The following COL5A2 variants were observed in gnomAD, a reference collection of about 807,000 sequenced individuals.
COL5A2 encodes collagen type V alpha 2 chain.
Under a neutral mutation model 208.2 loss-of-function variants are expected in COL5A2, and 23 were observed. That is an observed-to-expected ratio of 0.11 (90% CI 0.08 to 0.16). The LOEUF is 0.16. Among genes scored for constraint, COL5A2 ranks in the 10% least tolerant of loss-of-function variants. The pLI, the probability that COL5A2 is intolerant of heterozygous loss-of-function variation, is 1.00. For synonymous variants in COL5A2, 625 were observed against 628.5 expected (o/e 0.99, Z 0.08); for missense variants, 1,590 against 1,956.4 (o/e 0.81, Z 3.53).
intron 1 of COL5A2, among the ~76,000 whole-genome samples, chr2:189,175,168 G>T (rs1688651687): frequency 6.6e-6 from 1 of 152,084 alleles, no homozygotes; most frequent in South Asian, 2.1e-4. Flanking sequence ...AGAGTATATT[G>T]CCAGCACCAC....
At chr2:189,034,326 T>A in intron 53 of COL5A2, 110 bp from the exon 54 acceptor site, 1 of 1,122,786 alleles carries the variant, frequency 8.9e-7, no homozygotes, top group Admixed American at 2.0e-5. Context: ...ATTTTTAGAG[T>A]ACTACTTAAA....
At chr2:189,251,765 C>T in the COL5A2 span, among the ~76,000 whole-genome samples, 42 of 151,802 alleles carry the variant, frequency 2.8e-4, no homozygotes, top group East Asian at 5.6e-3. Context: ...ACAAATGGGA[C>T]CTAATTAAAC....
chr2:189,092,088 TACAA>T (rs1382032869), intron 7 of COL5A2, among the ~76,000 whole-genome samples: 1 of 152,172 alleles, frequency 6.6e-6, no homozygotes, highest in Non-Finnish European at 1.5e-5. Flanking sequence ...CATTGAGAAA[TACAA>T]ACAATTTGAA....
the COL5A2 span, among the ~76,000 whole-genome samples, chr2:189,438,536 A>C: frequency 4.1e-4 from 63 of 152,350 alleles, no homozygotes; most frequent in African/African-American, 1.5e-3. Context: ...GATGCACATA[A>C]CATAAATGCA....
At chr2:189,241,864 C>T in the COL5A2 span, among the ~76,000 whole-genome samples, 2 of 152,146 alleles carry the variant, frequency 1.3e-5, no homozygotes, top group Non-Finnish European at 2.9e-5. Context: ...TGCACTGGTA[C>T]TTTGCTGGTA....
the COL5A2 span, among the ~76,000 whole-genome samples, chr2:189,367,853 T>C: frequency 6.6e-6 from 1 of 152,220 alleles, no homozygotes; most frequent in Admixed American, 6.5e-5. Flanking sequence ...ATATTTCTAT[T>C]ATAATTGTAA....
the COL5A2 span, among the ~76,000 whole-genome samples, chr2:189,367,703 C>A: frequency 1.3e-5 from 2 of 152,168 alleles, no homozygotes; most frequent in Non-Finnish European, 2.9e-5. Context: ...ACTAGTAATC[C>A]AACCCATCAC....
chr2:189,315,081 A>G, the COL5A2 span, among the ~76,000 whole-genome samples: 1 of 152,220 alleles, frequency 6.6e-6, no homozygotes, highest in African/African-American at 2.4e-5. Context: ...ACTCATTCTG[A>G]GGCCAGCATC....
chr2:189,266,459 G>A, the COL5A2 span, among the ~76,000 whole-genome samples: 1 of 151,782 alleles, frequency 6.6e-6, no homozygotes, highest in Admixed American at 6.6e-5. Context: ...ATAGATACAT[G>A]CAACCACATG....
Position 189,077,940 on chromosome 2 carries a change from C to T in COL5A2, c.1059+576G>A, listed in dbSNP as rs139552021. ...ATATTAGTCAGCATAGCCTGATCTT[C>T]AGAGAATTGCGAAAAGAATAATTAG... On this transcript the variant is annotated intron_variant, in intron 16 of 53. Transcript: ENST00000374866. Among the ~76,000 whole-genome samples the T allele has an allele frequency of 7.1e-3, 1,078 of 152,266 alleles. 13 individuals are homozygous for T. The highest frequency in any genetic ancestry group is 0.024 in the African/African-American group (996 of 41,532).
At chr2:189,353,938 C>T in the COL5A2 span, among the ~76,000 whole-genome samples, 2 of 151,880 alleles carry the variant, frequency 1.3e-5, no homozygotes, top group Admixed American at 6.6e-5. Context: ...TCATAAATAG[C>T]TCTATTTTGA....
chr2:189,066,310 C>A (rs1426142667), intron 23 of COL5A2, 80 bp downstream of exon 23: 6 of 1,287,072 alleles, frequency 4.7e-6, no homozygotes, highest in Non-Finnish European at 6.8e-6. Flanking sequence ...CTTAACTGTT[C>A]TAGTTTTCCT....
At chr2:189,420,079 AGGGAGAAG>A in the COL5A2 span, among the ~76,000 whole-genome samples, 13 of 112,270 alleles carry the variant, frequency 1.2e-4, no homozygotes, top group Middle Eastern at 4.1e-3. Flanking sequence ...GGAGGGAGGG[AGGGAGAAG>A]GAAGGAAGGA....
intron 31 of COL5A2, 116 bp downstream of exon 31, chr2:189,060,614 T>G: frequency 1.1e-6 from 1 of 873,042 alleles, no homozygotes; most frequent in Non-Finnish European, 1.9e-6. Context: ...AGGGCTGCTT[T>G]GAGAACTCAA....
chr2:189,438,110 A>G, the COL5A2 span, among the ~76,000 whole-genome samples: 2 of 151,946 alleles, frequency 1.3e-5, no homozygotes, highest in Non-Finnish European at 2.9e-5. Context: ...ATATAAAATG[A>G]TGCTCAGCAT....
At chr2:189,366,109 A>G in the COL5A2 span, among the ~76,000 whole-genome samples, 14 of 152,120 alleles carry the variant, frequency 9.2e-5, no homozygotes, top group Admixed American at 8.5e-4. Context: ...TTATTTTGAG[A>G]TCTTGTATAG....
At chr2:189,401,595 G>A in the COL5A2 span, among the ~76,000 whole-genome samples, 3 of 152,084 alleles carry the variant, frequency 2.0e-5, no homozygotes, top group Non-Finnish European at 4.4e-5. Flanking sequence ...ATGGGTTGAT[G>A]GGTCAAATAA....
At chr2:189,370,652 C>T in the COL5A2 span, among the ~76,000 whole-genome samples, 3 of 152,092 alleles carry the variant, frequency 2.0e-5, no homozygotes, top group Non-Finnish European at 4.4e-5. Context: ...ACATACAACA[C>T]ATACAACATA....
chr2:189,162,686 G>T (rs1054730177), intron 1 of COL5A2, among the ~76,000 whole-genome samples: 7 of 152,132 alleles, frequency 4.6e-5, no homozygotes, highest in African/African-American at 7.2e-5. Flanking sequence ...AATATTATCA[G>T]ATTTTTAATC....
Sources: gnomAD v4.1 joint callset for allele counts (sites outside exome capture counted in the v4.1 genomes callset) on GRCh38, gnomAD v4.1.1 for gene constraint, MANE v1.5 for transcripts, NCBI Gene and HGNC (gene_info 2026-07-23, HGNC 2026-07-21) for gene names.